The following TBCK variants were observed in gnomAD, a reference collection of about 807,000 sequenced individuals.
TBCK encodes TBC1 domain containing kinase.
In TBCK, 99 loss-of-function variants were observed where a neutral mutation model predicts 113.4. The observed-to-expected ratio is 0.87, with a 90% CI of 0.74 to 1.03. The LOEUF is 1.03. Among genes scored for constraint, TBCK ranks in the 50% least tolerant of loss-of-function variants. TBCK has a pLI of 0.00. For missense variants in TBCK, 1,045 were observed against 1,061.3 expected, an observed-to-expected ratio of 0.98 and a Z score of 0.21; for synonymous variants, 369 against 370.8, an observed-to-expected ratio of 1.00 and a Z score of 0.05.
chr4:106,168,291 C>T (rs551570351), intron 23 of TBCK, among the ~76,000 whole-genome samples: 1 of 151,820 alleles, frequency 6.6e-6, no homozygotes, highest in African/African-American at 2.4e-5. Context: ...CAAAATCCAA[C>T]ATGCATTCAT....
intron 25 of TBCK, among the ~76,000 whole-genome samples, chr4:106,066,086 G>A (rs2149468270): frequency 6.6e-6 from 1 of 152,066 alleles, no homozygotes; most frequent in East Asian, 1.9e-4. Context: ...TATTAAAATG[G>A]TATCACATGG....
chr4:106,070,079 T>C (rs1331681574), intron 25 of TBCK, among the ~76,000 whole-genome samples: 1 of 152,104 alleles, frequency 6.6e-6, no homozygotes, highest in Admixed American at 6.6e-5. Flanking sequence ...ATTCATGTCA[T>C]CTGCAAACAG....
At chr4:106,245,570 C>T (rs993165241) in intron 10 of TBCK, among the ~76,000 whole-genome samples, 1 of 152,074 alleles carries the variant, frequency 6.6e-6, no homozygotes, top group Non-Finnish European at 1.5e-5. Flanking sequence ...GTGGCTAGAA[C>T]GAGTTGGAGC....
At chr4:106,156,493 G>A (rs1173153797) in intron 23 of TBCK, among the ~76,000 whole-genome samples, 1 of 152,166 alleles carries the variant, frequency 6.6e-6, no homozygotes, top group East Asian at 1.9e-4. Flanking sequence ...GTCCAGAGGT[G>A]CCATCTGCGA....
intron 3 of TBCK, among the ~76,000 whole-genome samples, chr4:106,290,762 A>G (rs1765628817): frequency 1.3e-5 from 2 of 152,154 alleles, no homozygotes; most frequent in South Asian, 4.1e-4. Context: ...CTGTATTTAC[A>G]GTTGCTCCCC....
chr4:106,082,895 G>C (rs1423821219), intron 25 of TBCK, among the ~76,000 whole-genome samples: 1 of 152,232 alleles, frequency 6.6e-6, no homozygotes, highest in Non-Finnish European at 1.5e-5. Context: ...AAGGGAGGCA[G>C]TGAGTGAGCA....
At chr4:106,217,789 C>T (rs1757145211) in intron 19 of TBCK, among the ~76,000 whole-genome samples, 2 of 150,540 alleles carry the variant, frequency 1.3e-5, no homozygotes, top group Admixed American at 1.3e-4. Flanking sequence ...AATGGCCATA[C>T]TGCCCAAGGT....
intron 23 of TBCK, among the ~76,000 whole-genome samples, chr4:106,157,236 T>A (rs1423968788): frequency 6.6e-6 from 1 of 152,108 alleles, no homozygotes; most frequent in Non-Finnish European, 1.5e-5. Context: ...GAGACCTCTT[T>A]ATTCTTCTCC....
chr4:106,205,158 T>C (rs1192953437), intron 20 of TBCK, among the ~76,000 whole-genome samples: 1 of 152,198 alleles, frequency 6.6e-6, no homozygotes, highest in Admixed American at 6.5e-5. Flanking sequence ...GGAAAGCTAA[T>C]ATCTGCCACT....
intron 23 of TBCK, among the ~76,000 whole-genome samples, chr4:106,143,851 T>C (rs1307774319): frequency 6.6e-6 from 1 of 150,952 alleles, no homozygotes; most frequent in Non-Finnish European, 1.5e-5. Flanking sequence ...GAGGCAGAGG[T>C]TGCAGTGAGC....
intron 25 of TBCK, among the ~76,000 whole-genome samples, chr4:106,082,571 C>A (rs1739008907): frequency 6.6e-6 from 1 of 151,668 alleles, no homozygotes; most frequent in Non-Finnish European, 1.5e-5. Context: ...TGTACATGTA[C>A]CTCTAGAACT....
intron 14 of TBCK, among the ~76,000 whole-genome samples, chr4:106,236,055 TAG>T (rs1759422072): frequency 6.6e-6 from 1 of 152,034 alleles, no homozygotes; most frequent in African/African-American, 2.4e-5. Context: ...ACAATTTGCA[TAG>T]ATTTACTAGC....
chr4:106,215,051 G>C (rs564301842), intron 19 of TBCK, among the ~76,000 whole-genome samples: 1 of 150,094 alleles, frequency 6.7e-6, no homozygotes. Context: ...AGAGAGTGGG[G>C]GCCAATATTC....
intron 24 of TBCK, among the ~76,000 whole-genome samples, chr4:106,099,009 T>C (rs568523732): frequency 6.3e-4 from 96 of 152,222 alleles, no homozygotes; most frequent in African/African-American, 2.3e-3. Flanking sequence ...CATTAACAGG[T>C]AGGGATGATG....
chr4:106,059,189 A>G (rs1735764106), intron 25 of TBCK, among the ~76,000 whole-genome samples: 1 of 117,760 alleles, frequency 8.5e-6, no homozygotes, highest in Non-Finnish European at 1.9e-5. Context: ...TAGTTTTGTT[A>G]CCTGTTAAAT....
At chr4:106,183,228 A>G (rs1205266151) in intron 22 of TBCK, among the ~76,000 whole-genome samples, 1 of 152,068 alleles carries the variant, frequency 6.6e-6, no homozygotes, top group African/African-American at 2.4e-5. Flanking sequence ...TCATTTTTCT[A>G]AAATATAGAT....
chr4:106,058,084 T>A (rs577324905), intron 25 of TBCK, among the ~76,000 whole-genome samples: 12 of 151,916 alleles, frequency 7.9e-5, no homozygotes, highest in African/African-American at 2.9e-4. Flanking sequence ...AATTTGCCTA[T>A]CAAATATTTA....
At chr4:106,192,820 G>C (rs1198015363) in intron 22 of TBCK, among the ~76,000 whole-genome samples, 1 of 151,796 alleles carries the variant, frequency 6.6e-6, no homozygotes. Flanking sequence ...TTTGATTCTG[G>C]GATAATTTTA....
At chr4:106,289,334 A>T (rs1765432190) in intron 3 of TBCK, among the ~76,000 whole-genome samples, 1 of 152,248 alleles carries the variant, frequency 6.6e-6, no homozygotes, top group Non-Finnish European at 1.5e-5. Flanking sequence ...TGTTTCTATT[A>T]ATAATTTAGC....
Sources: gnomAD v4.1 joint callset for allele counts (sites outside exome capture counted in the v4.1 genomes callset) on GRCh38, gnomAD v4.1.1 for gene constraint, MANE v1.5 for transcripts, NCBI Gene and HGNC (gene_info 2026-07-23, HGNC 2026-07-21) for gene names.